SLIT3: variants seen among roughly 807,000 people sequenced by gnomAD.
The protein encoded by SLIT3 is slit homolog 3 protein.
A neutral mutation model predicts 184.0 loss-of-function variants in SLIT3; 68 were observed. The observed-to-expected ratio is 0.37, with a 90% CI of 0.30 to 0.45. The LOEUF is 0.45. SLIT3 is among the 20% of genes least tolerant of loss of function. SLIT3 has a pLI of 1.00. For synonymous variants in SLIT3, 831 were observed against 828.6 expected, an observed-to-expected ratio of 1.00 and a Z score of -0.05; for missense variants, 1,707 against 2,026.0, an observed-to-expected ratio of 0.84 and a Z score of 3.02.
intron 4 of SLIT3, among the ~76,000 whole-genome samples, chr5:169,061,738 G>A (rs967470012): frequency 6.6e-6 from 1 of 152,276 alleles, no homozygotes; most frequent in Non-Finnish European, 1.5e-5. Flanking sequence ...AGCCAGCATC[G>A]CTGGGATGCT....
chr5:168,705,491 C>T (rs536338955), intron 26 of SLIT3, among the ~76,000 whole-genome samples: 1 of 152,142 alleles, frequency 6.6e-6, no homozygotes, highest in Admixed American at 6.6e-5. Flanking sequence ...ATCATCAACA[C>T]CATCACCATT....
chr5:168,801,975 T>C (rs1756780820), intron 9 of SLIT3, among the ~76,000 whole-genome samples: 1 of 151,932 alleles, frequency 6.6e-6, no homozygotes, highest in African/African-American at 2.4e-5. Context: ...TCCCCTAAAG[T>C]TGGGGAGTGC....
At chr5:169,018,126 AT>A (rs560412285) in intron 4 of SLIT3, among the ~76,000 whole-genome samples, 42 of 152,348 alleles carry the variant, frequency 2.8e-4, no homozygotes, top group African/African-American at 1.0e-3. Context: ...TGAAGAGTTT[AT>A]GTTAAATACA....
Position 168,867,858 on chromosome 5 carries a change from A to G in SLIT3, c.485+15407T>C, listed in dbSNP as rs1395171960. The stretch of plus-strand genomic sequence containing the variant: ...ATTGACACCTGCAGCTGCAGGAAAA[A>G]CCAGAATCTTCCATTCACATCCTTG... On this transcript the variant is annotated intron_variant, in intron 5 of 35. Coordinates refer to ENST00000519560, the MANE Select transcript of SLIT3 (RefSeq NM_003062.4). Among the ~76,000 whole-genome samples, 3 of 152,094 alleles carry G rather than the reference A, an allele frequency of 2.0e-5. No homozygotes were observed. In the East Asian group the frequency reaches 5.8e-4, roughly 29 times the overall value.
chr5:168,707,788 A>G, intron 26 of SLIT3, 188 bp downstream of exon 26: 1 of 599,686 alleles, frequency 1.7e-6, no homozygotes, highest in Non-Finnish European at 2.9e-6. Flanking sequence ...TCTGACTGGC[A>G]GCTCCCGCTA....
At chr5:168,859,837 G>T (rs769041583) in intron 5 of SLIT3, among the ~76,000 whole-genome samples, 10 of 152,076 alleles carry the variant, frequency 6.6e-5, no homozygotes, top group Admixed American at 1.3e-4. Flanking sequence ...GGAGAGGAAG[G>T]GGATGGGCTG....
chr5:169,182,479 G>A (rs1276975833), intron 4 of SLIT3, among the ~76,000 whole-genome samples: 1 of 152,198 alleles, frequency 6.6e-6, no homozygotes, highest in Non-Finnish European at 1.5e-5. Flanking sequence ...AGGAAAGCCA[G>A]AAGAAAGACA....
At chr5:168,971,249 C>CACA (rs1212774229) in intron 4 of SLIT3, among the ~76,000 whole-genome samples, 65 of 152,324 alleles carry the variant, frequency 4.3e-4, no homozygotes, top group Middle Eastern at 3.4e-3. Context: ...CACCTGAGAT[C>CACA]ACTGTGACAG....
At chr5:169,122,017 C>T (rs1467514211) in intron 4 of SLIT3, among the ~76,000 whole-genome samples, 1 of 152,236 alleles carries the variant, frequency 6.6e-6, no homozygotes, top group African/African-American at 2.4e-5. Flanking sequence ...CTTTTACCAT[C>T]CCCCAAATGT....
At chr5:169,197,983 A>G (rs1035620903) in intron 3 of SLIT3, among the ~76,000 whole-genome samples, 2 of 152,170 alleles carry the variant, frequency 1.3e-5, no homozygotes, top group Admixed American at 6.5e-5. Flanking sequence ...GAACCCATCC[A>G]TGTATCCATT....
At chr5:169,189,276 A>T (rs1763461636) in intron 4 of SLIT3, among the ~76,000 whole-genome samples, 1 of 151,930 alleles carries the variant, frequency 6.6e-6, no homozygotes. Flanking sequence ...AATCCTTTTG[A>T]GCATAACTTC....
At chr5:168,930,881 C>T (rs1383627793) in intron 4 of SLIT3, among the ~76,000 whole-genome samples, 3 of 151,994 alleles carry the variant, frequency 2.0e-5, no homozygotes, top group African/African-American at 7.2e-5. Flanking sequence ...AGTGATGTGC[C>T]TCCTAGACAA....
At chr5:168,948,545 A>G (rs965393830) in intron 4 of SLIT3, among the ~76,000 whole-genome samples, 4 of 152,086 alleles carry the variant, frequency 2.6e-5, no homozygotes, top group African/African-American at 9.7e-5. Flanking sequence ...AAGTTGTGGA[A>G]TTTTCCCTTT....
chr5:169,129,526 T>C (rs1761213549), intron 4 of SLIT3, among the ~76,000 whole-genome samples: 1 of 152,100 alleles, frequency 6.6e-6, no homozygotes, highest in Non-Finnish European at 1.5e-5. Context: ...CACTCCAGCC[T>C]GGGCAATAGA....
intron 32 of SLIT3, among the ~76,000 whole-genome samples, chr5:168,680,611 TGTA>T (rs1761556769): frequency 6.6e-6 from 1 of 151,788 alleles, no homozygotes; most frequent in Non-Finnish European, 1.5e-5. Flanking sequence ...TAGAGGTTAT[TGTA>T]CTGATGCTGA....
chr5:168,749,565 G>C lies in SLIT3; in HGVS notation c.2044C>G (p.Arg682Gly), dbSNP rs763753289. 6 of 1,614,078 alleles carry C rather than the reference G, an allele frequency of 3.7e-6. No individual in the cohort carries two copies. The change falls in exon 19 of 36, where the codon CGG becomes GGG. Residue 682 changes from arginine to glycine, a missense_variant. Around this residue, in one of 3 missense-constraint regions of SLIT3, gnomAD observed 1,307 missense variants for 1,511.6 expected, o/e 0.86. Transcript: ENST00000519560. ...CACCTAGGGTTCCCACTGACGATCC[G>C]CCTCTTCCTCAACCACTTGCCGAGC... ...AWLGKWLRKRRIVSGNPRCQK... is the reference protein window; with the variant it reads ...AWLGKWLRKRGIVSGNPRCQK...
chr5:168,800,333 C>T (rs1195931760), intron 9 of SLIT3, among the ~76,000 whole-genome samples: 1 of 152,188 alleles, frequency 6.6e-6, no homozygotes, highest in Admixed American at 6.5e-5. Context: ...CGCCTGTAAT[C>T]CCAGCACTTT....
chr5:169,236,844 T>C (rs1384178727), intron 3 of SLIT3, among the ~76,000 whole-genome samples: 1 of 152,202 alleles, frequency 6.6e-6, no homozygotes, highest in Non-Finnish European at 1.5e-5. Flanking sequence ...TATATATTCA[T>C]TGATATTAAA....
At chr5:169,149,481 G>C (rs1394431246) in intron 4 of SLIT3, among the ~76,000 whole-genome samples, 2 of 151,786 alleles carry the variant, frequency 1.3e-5, no homozygotes, top group African/African-American at 4.8e-5. Context: ...AAATCCATCT[G>C]TAAGAGACCC....
Sources: allele counts gnomAD v4.1 joint callset (sites outside exome capture counted in the v4.1 genomes callset), GRCh38; gene constraint gnomAD v4.1.1; regional missense constraint gnomAD v4.1.1; transcripts MANE v1.5; gene names NCBI Gene and HGNC (gene_info 2026-07-23, HGNC 2026-07-21).